SMTN: variants seen among roughly 807,000 people sequenced by gnomAD.
The protein encoded by SMTN is smoothelin.
Under a neutral mutation model 102.0 loss-of-function variants are expected in SMTN, and 58 were observed. That is an observed-to-expected ratio of 0.57 (90% CI 0.46 to 0.71). The LOEUF is 0.71. SMTN is among the 30% of genes least tolerant of loss of function. The pLI, the probability that SMTN is intolerant of heterozygous loss-of-function variation, is 0.00. For missense variants in SMTN, 1,185 were observed against 1,241.7 expected, an observed-to-expected ratio of 0.95 and a Z score of 0.69; for synonymous variants, 478 against 497.9, an observed-to-expected ratio of 0.96 and a Z score of 0.53.
At position 31,100,902 on chromosome 22, in the gene SMTN, C is replaced by G; in HGVS notation, c.2621C>G (p.Pro874Arg). Residue 874 changes from proline (P) to arginine (R), a missense_variant, in exon 20 of 21, where the codon CCG becomes CGG. Transcript: ENST00000333137. ...CTCCCCAGGACCCATGCGGACTGCC[C>G]GCAGCTCCTGGATACAGAGGACATG... ...FSSAETHADC[P>R]QLLDTEDMVR... 1 of 1,606,640 alleles carries G rather than the reference C, an allele frequency of 6.2e-7. No individual in the cohort carries two copies. Among genetic ancestry groups the G allele is most frequent in the Non-Finnish European group, 8.5e-7 (1 of 1,177,604 alleles).
chr22:31,089,605 C>A, intron 6 of SMTN, 94 bp from the exon 7 acceptor site: 2 of 1,213,002 alleles, frequency 1.6e-6, no homozygotes, highest in Non-Finnish European at 2.4e-6. Context: ...GCTTTGCATG[C>A]CCTGCCCTGG....
chr22:31,091,464 A>G lies in SMTN; in HGVS notation c.1441A>G (p.Thr481Ala), dbSNP rs745401774. ...CTCCACAGGCCGGGTGCTGCTGCCC[A>G]CAGGCAACCAGAGGGCAGGTAGGCG... Reference protein sequence around the residue: ...QASTGRVLLPTGNQRAELTLG... With the variant: ...QASTGRVLLPAGNQRAELTLG... The change falls in exon 10 of 21, where the codon ACA becomes GCA. Residue 481 changes from threonine to alanine, a missense_variant. Transcript: ENST00000333137. 6.6e-7 allele frequency: 1 copy of G among 1,521,934 alleles called. No individual in the cohort carries two copies. Among genetic ancestry groups the G allele is most frequent in the South Asian group, 1.3e-5 (1 of 76,318 alleles). 94.3% of individuals were successfully genotyped at this position (1,521,934 alleles called of 1,614,324 possible). A position where few individuals can be genotyped will look rare whatever the true frequency, so the allele number is the denominator to read the frequency against.
intron 1 of SMTN, among the ~76,000 whole-genome samples, chr22:31,071,809 C>G (rs917908760): frequency 1.3e-5 from 2 of 151,670 alleles, no homozygotes; most frequent in Non-Finnish European, 2.9e-5. Context: ...GATTCTCCCA[C>G]CTCAGCCTCC....
chr22:31,088,392 G>A lies in SMTN; in HGVS notation c.201-121G>A. 3.4e-6 allele frequency: 3 copies of A among 881,198 alleles called. No individual in the cohort carries two copies. In the South Asian group the frequency reaches 4.6e-5, roughly 14 times the overall value. 54.6% of individuals were successfully genotyped at this position (881,198 alleles called of 1,614,324 possible). A position where few individuals can be genotyped will look rare whatever the true frequency, so the allele number is the denominator to read the frequency against. On this transcript the variant is annotated intron_variant, in intron 3 of 20. Coordinates refer to ENST00000333137, the MANE Select transcript of SMTN (RefSeq NM_134269.3). ...GTGTATCAGTGTGCAGTTAGAGGGT[G>A]TGCACAGCCACATGCCCTTCTGCCA...
Position 31,088,008 on chromosome 22 carries a change from C to T in SMTN, c.95C>T (p.Ser32Leu), listed in dbSNP as rs2147638521. 1.9e-6 allele frequency: 3 copies of T among 1,610,282 alleles called. No homozygotes were observed. In the Admixed American group the frequency reaches 5.0e-5, roughly 27 times the overall value. ...ADLAERRRIR[S>L]AIRELQRQEL... ...CTGGCAGAGCGGCGGCGCATCCGCT[C>T]AGCCATCCGGGAACTGCAGCGGCAG... The change falls in exon 3 of 21, where the codon TCA becomes TTA. Residue 32 changes from serine (S) to leucine (L), a missense_variant. Transcript: ENST00000333137.
chr22:31,085,390 ACC>A, intron 2 of SMTN: 1 of 1,131,064 alleles, frequency 8.8e-7, no homozygotes, highest in African/African-American at 1.6e-5. Flanking sequence ...CGCCGGCGGG[ACC>A]CCCATGGGCA....
intron 1 of SMTN, chr22:31,067,244 GTT>G (rs59924505): frequency 2.9e-5 from 4 of 136,882 alleles, no homozygotes; most frequent in Non-Finnish European, 1.6e-5. Context: ...GACCAGAAAG[GTT>G]TTTTTTTTTT....
In SMTN at chr22:31,088,558, G is replaced by T. The variant is rs763623979; in HGVS notation, c.246G>T (p.Leu82=). Residue 82 remains leucine (L), a synonymous_variant, in exon 4 of 21, where the codon CTG becomes CTT. Transcript: ENST00000333137. ...EAEQRAALAR[L]AGQLESMNDV... is the part of the protein sequence containing the mutation. ...AGCAGCGGGCTGCCCTGGCACGGCT[G>T]GCAGGGCAGCTGGAGTCCATGAACG... 3 of 1,613,702 alleles carry T rather than the reference G, an allele frequency of 1.9e-6. No individual in the cohort carries two copies. The East Asian group carries it at 6.7e-5, about 36-fold the overall frequency.
intron 11 of SMTN, chr22:31,093,924 G>T: frequency 7.7e-7 from 1 of 1,293,480 alleles, no homozygotes; most frequent in Non-Finnish European, 1.1e-6. Context: ...GCCAGGCTCT[G>T]CCTCCTCTTG....
upstream of SMTN, among the ~76,000 whole-genome samples, chr22:31,077,182 C>A (rs2899158): frequency 6.6e-6 from 1 of 152,214 alleles, no homozygotes; most frequent in African/African-American, 2.4e-5. Context: ...TCAAGGCAGG[C>A]GGATTTCTTG....
chr22:31,072,278 C>T, intron 1 of SMTN, among the ~76,000 whole-genome samples: 1 of 152,036 alleles, frequency 6.6e-6, no homozygotes. Context: ...GAAACTGAGG[C>T]CTAGAGAAAT....
Position 31,088,942 on chromosome 22 carries a change from A to AGCT in SMTN, c.446_447insTGC (p.Ala150dup). On this transcript the variant is annotated inframe_insertion, in exon 6 of 21. Transcript: ENST00000333137. ...GCTCAAGAGAGGACAGCAAGGGGCT[A>AGCT]GCGGCACACAGGCTGGAACAGTGTG... 1.2e-6 allele frequency: 2 copies of AGCT among 1,613,780 alleles called. No individual in the cohort carries two copies. The highest frequency in any genetic ancestry group is 1.7e-6 in the Non-Finnish European group (2 of 1,179,996).
At position 31,099,732 on chromosome 22, in the gene SMTN, C is replaced by T. The variant is rs751867354; in HGVS notation, c.2452-13C>T. 5 of 1,613,352 alleles carry T rather than the reference C, an allele frequency of 3.1e-6. No individual in the cohort carries two copies. The highest frequency in any genetic ancestry group is 4.2e-6 in the Non-Finnish European group (5 of 1,179,496). On this transcript the variant is annotated splice_polypyrimidine_tract_variant and intron_variant, in intron 18 of 20. Coordinates refer to ENST00000333137, the MANE Select transcript of SMTN (RefSeq NM_134269.3). The stretch of plus-strand genomic sequence containing the variant: ...GCCCCCAGGTTCCTGACCAGTCCTC[C>T]TACGGCTTATAGCACGTCGACATCC...
intron 6 of SMTN, 117 bp from the exon 7 acceptor site, chr22:31,089,582 G>A: frequency 1.1e-6 from 1 of 919,514 alleles, no homozygotes; most frequent in Non-Finnish European, 1.7e-6. Context: ...AGGAAGCCAT[G>A]CCCCACCACT....
intron 1 of SMTN, chr22:31,065,324 A>G (rs1336797221): frequency 6.6e-6 from 1 of 152,164 alleles, no homozygotes; most frequent in Non-Finnish European, 1.5e-5. Context: ...CCATGCAAAA[A>G]TGTAAATTTC....
chr22:31,096,463 C>G (rs2043584573), intron 13 of SMTN: 1 of 394,044 alleles, frequency 2.5e-6, no homozygotes, highest in Middle Eastern at 6.4e-4. Flanking sequence ...TATAGAAACC[C>G]TTTTTGGATC....
chr22:31,086,776 G>A (rs1015063837), intron 2 of SMTN, among the ~76,000 whole-genome samples: 9 of 152,200 alleles, frequency 5.9e-5, no homozygotes, highest in Admixed American at 2.0e-4. Flanking sequence ...GGAGCCTGGA[G>A]GGCTCTTCCC....
rs754110313 is a variant in SMTN at position 31,104,474 on chromosome 22, G to A, written c.*179G>A. Reference sequence around the variant, plus strand: ...CGCGGCAAGAATGTCTAGCCTGCCCGCCCGCATGGCCAGCCAGTGGCAAGC... The same window carrying A: ...CGCGGCAAGAATGTCTAGCCTGCCCACCCGCATGGCCAGCCAGTGGCAAGC... On this transcript the variant is annotated 3_prime_UTR_variant, in exon 21 of 21. Coordinates refer to ENST00000333137, the MANE Select transcript of SMTN (RefSeq NM_134269.3). 14 of 1,610,910 alleles carry A rather than the reference G, an allele frequency of 8.7e-6. No homozygotes were observed. The highest frequency in any genetic ancestry group is 3.3e-5 in the Admixed American group (2 of 59,972).
At position 31,095,932 on chromosome 22, in the gene SMTN, A is replaced by C; in HGVS notation, c.1861+323A>C. On this transcript the variant is annotated intron_variant, in intron 13 of 20. Transcript: ENST00000333137. The surrounding 1 kb of genome is among the most constrained non-coding windows in gnomAD (Gnocchi z 4.1). Reference sequence around the variant, plus strand: ...GTACTGTCAACGACTCCTTCCCTGAATCCAGATACTCCTTCTCCCTGCTGC... The same window carrying C: ...GTACTGTCAACGACTCCTTCCCTGACTCCAGATACTCCTTCTCCCTGCTGC... 4.8e-6 allele frequency: 2 copies of C among 419,326 alleles called. No homozygotes were observed. Among genetic ancestry groups the C allele is most frequent in the Non-Finnish European group, 8.7e-6 (2 of 230,334 alleles). The allele number at this position is 419,326 out of a possible 1,614,324, so 26.0% of individuals were successfully genotyped here.
Sources: allele counts gnomAD v4.1 joint callset (sites outside exome capture counted in the v4.1 genomes callset), GRCh38; gene constraint gnomAD v4.1.1; non-coding constraint Gnocchi (gnomAD v3.1); transcripts MANE v1.5; gene names NCBI Gene and HGNC (gene_info 2026-07-23, HGNC 2026-07-21).